Variants in RAI1 observed in about 807,000 individuals in gnomAD.
RAI1 encodes the protein retinoic acid induced 1, also known as retinoic acid-induced protein 1.
In RAI1, 9 loss-of-function variants were observed where a neutral mutation model predicts 123.8. The ratio of observed to expected loss-of-function variants is 0.07; its 90% CI spans 0.04 to 0.13. RAI1 has a LOEUF of 0.13. Ranked by LOEUF, RAI1 falls within the 10% of genes least tolerant of loss-of-function variation. The pLI, the probability that RAI1 is intolerant of heterozygous loss-of-function variation, is 1.00. For missense variants in RAI1, 2,256 were observed against 2,545.8 expected (o/e 0.89, Z 2.45); for synonymous variants, 1,231 against 1,127.3 (o/e 1.09, Z -1.84).
At chr17:17,752,127 G>A (rs1286752290) in intron 2 of RAI1, among the ~76,000 whole-genome samples, 1 of 152,202 alleles carries the variant, frequency 6.6e-6, no homozygotes, top group East Asian at 1.9e-4. Flanking sequence ...GCAGCCCTGT[G>A]GGGAGAGGGC....
chr17:17,721,012 C>T (rs976794374), intron 1 of RAI1, among the ~76,000 whole-genome samples: 4 of 152,060 alleles, frequency 2.6e-5, no homozygotes, highest in Admixed American at 1.3e-4. Context: ...TCCCTCTACA[C>T]CCATCCCCAG....
intron 1 of RAI1, among the ~76,000 whole-genome samples, 168 bp downstream of exon 1, chr17:17,681,961 G>A (rs1318440877): frequency 6.6e-6 from 1 of 151,474 alleles, no homozygotes; most frequent in East Asian, 2.0e-4. Context: ...GCTTTGTGTG[G>A]TGTGGGGGGT....
chr17:17,728,343 G>A (rs534914175), intron 2 of RAI1, among the ~76,000 whole-genome samples: 2 of 152,258 alleles, frequency 1.3e-5, no homozygotes, highest in East Asian at 3.9e-4. Context: ...TTAAAAGACC[G>A]TCTTCCCTCT....
intron 1 of RAI1, among the ~76,000 whole-genome samples, chr17:17,706,542 T>G (rs1329550156): frequency 6.6e-6 from 1 of 152,146 alleles, no homozygotes; most frequent in Non-Finnish European, 1.5e-5. Context: ...CCAGTGGTTG[T>G]GAGCTGCACC....
intron 2 of RAI1, among the ~76,000 whole-genome samples, chr17:17,789,885 C>G (rs767159168): frequency 1.3e-5 from 2 of 152,070 alleles, no homozygotes; most frequent in Non-Finnish European, 2.9e-5. Context: ...AGGAGTGAGC[C>G]CAGTGGGTGG....
chr17:17,728,665 G>A (rs563662916), intron 2 of RAI1, among the ~76,000 whole-genome samples: 92 of 152,290 alleles, frequency 6.0e-4, no homozygotes, highest in African/African-American at 2.0e-3. Flanking sequence ...GGAGTGGGTG[G>A]CAGCCACCCA....
intron 2 of RAI1, among the ~76,000 whole-genome samples, chr17:17,766,870 G>A (rs1299177180): frequency 1.3e-5 from 2 of 152,142 alleles, no homozygotes; most frequent in African/African-American, 4.8e-5. Context: ...ATGGTGGCAG[G>A]GGCCAGCTCA....
chr17:17,743,109 C>G (rs1916698414), intron 2 of RAI1, among the ~76,000 whole-genome samples: 1 of 152,228 alleles, frequency 6.6e-6, no homozygotes, highest in Non-Finnish European at 1.5e-5. Context: ...CCACCTTAGC[C>G]TCCCGAGTAG....
At chr17:17,694,665 C>T (rs1241648122) in intron 1 of RAI1, among the ~76,000 whole-genome samples, 1 of 151,704 alleles carries the variant, frequency 6.6e-6, no homozygotes, top group Non-Finnish European at 1.5e-5. Context: ...CCGGAGCCTC[C>T]TCCGCGGTGG....
rs2032708247 is a variant in RAI1 at position 17,810,237 on chromosome 17, A to AG, written c.*260dup. 1.8e-6 allele frequency: 1 copy of AG among 552,644 alleles called. No homozygotes were observed. Among genetic ancestry groups the AG allele is most frequent in the South Asian group, 2.5e-5 (1 of 40,118 alleles). The allele number at this position is 552,644 out of a possible 1,614,324, so 34.2% of individuals were successfully genotyped here. A position where few individuals can be genotyped will look rare whatever the true frequency, so the allele number is the denominator to read the frequency against. On this transcript the variant is annotated 3_prime_UTR_variant, in exon 6 of 6. Coordinates refer to ENST00000353383, the MANE Select transcript of RAI1 (RefSeq NM_030665.4). The surrounding 1 kb of genome is among the most constrained non-coding windows in gnomAD (Gnocchi z 4.6). ...GGCACAGGGCGTTCTTGCCCACCCCAGGGGCCAGGCTTGCGGAGGGGGAGC... is the reference window on the plus strand; with the variant it reads ...GGCACAGGGCGTTCTTGCCCACCCCAGGGGGCCAGGCTTGCGGAGGGGGAGC...
chr17:17,779,824 G>T (rs55771242), intron 2 of RAI1, among the ~76,000 whole-genome samples: 3,514 of 148,664 alleles, frequency 0.024, 134 homozygotes, highest in African/African-American at 0.084. Flanking sequence ...GCCCAGGCTG[G>T]AGTGCAGTGG....
At position 17,798,237 on chromosome 17, in the gene RAI1, G is replaced by A. The variant is rs1000278919; in HGVS notation, c.5289G>A (p.Pro1763=). The change falls in exon 3 of 6, where the codon CCG becomes CCA. Residue 1763 remains proline (P), a synonymous_variant. Transcript: ENST00000353383. ...CCAGGCCTGACGGCCCAGCTGACCC[G>A]GCCAAGCAGGGCCCACTGCGCACCA... ...KPPRPDGPAD[P]AKQGPLRTSA... 10 of 1,609,166 alleles carry A rather than the reference G, an allele frequency of 6.2e-6. No individual in the cohort carries two copies. The highest frequency in any genetic ancestry group is 1.3e-5 in the African/African-American group (1 of 74,830).
chr17:17,803,108 A>G (rs2032512985), intron 3 of RAI1, among the ~76,000 whole-genome samples: 1 of 148,608 alleles, frequency 6.7e-6, no homozygotes, highest in African/African-American at 2.5e-5. Flanking sequence ...AAAAAAAAAA[A>G]GCAAGCCAGT....
At chr17:17,807,627 C>T in intron 4 of RAI1, among the ~76,000 whole-genome samples, 1 of 152,252 alleles carries the variant, frequency 6.6e-6, no homozygotes, top group East Asian at 1.9e-4. Flanking sequence ...ACTGGCCTTG[C>T]CCAGTGACTC....
chr17:17,732,148 C>T (rs543247907), intron 2 of RAI1, among the ~76,000 whole-genome samples: 49 of 152,242 alleles, frequency 3.2e-4, no homozygotes, highest in African/African-American at 1.1e-3. Context: ...CCCCATTTTA[C>T]AGATGAAGAA....
intron 2 of RAI1, among the ~76,000 whole-genome samples, chr17:17,733,340 T>C (rs935143331): frequency 3.9e-5 from 6 of 152,268 alleles, no homozygotes; most frequent in Admixed American, 3.9e-4. Flanking sequence ...GGGCACTGCG[T>C]GGGGAAAGAT....
intron 2 of RAI1, among the ~76,000 whole-genome samples, chr17:17,763,371 G>A (rs2030785954): frequency 6.6e-6 from 1 of 152,218 alleles, no homozygotes; most frequent in Non-Finnish European, 1.5e-5. Flanking sequence ...TCAGGAGCCT[G>A]TGTGTCTCAC....
intron 1 of RAI1, among the ~76,000 whole-genome samples, chr17:17,691,314 C>G (rs1914830364): frequency 6.6e-6 from 1 of 152,146 alleles, no homozygotes; most frequent in African/African-American, 2.4e-5. Context: ...CCAGCTGGCC[C>G]CTGATGTCCA....
rs1371828436 is a variant in RAI1, at chr17:17,801,934, A to C, written c.5566-1822A>C. On this transcript the variant is annotated intron_variant, in intron 3 of 5. Transcript: ENST00000353383. The surrounding 1 kb of genome is among the most constrained non-coding windows in gnomAD (Gnocchi z 4.1). ...TGCTGTGGGCATGAGGCTTCCAGCC[A>C]TGCCTGGCACATAGGAAGCTATTGT... 5.1e-6 allele frequency: 2 copies of C among 396,000 alleles called. No individual in the cohort carries two copies. Among genetic ancestry groups the C allele is most frequent in the Non-Finnish European group, 1.0e-5 (2 of 195,890 alleles). The allele number at this position is 396,000 out of a possible 1,614,324, so 24.5% of individuals were successfully genotyped here.
Sources: allele counts gnomAD v4.1 joint callset (sites outside exome capture counted in the v4.1 genomes callset), GRCh38; gene constraint gnomAD v4.1.1; non-coding constraint Gnocchi (gnomAD v3.1); transcripts MANE v1.5; gene names NCBI Gene and HGNC (gene_info 2026-07-23, HGNC 2026-07-21).